The following ZNF385B variants were observed in gnomAD, a reference collection of about 807,000 sequenced individuals.
ZNF385B encodes the protein zinc finger protein 533.
ZNF385B carries 23 observed loss-of-function variants against 39.2 expected under a neutral mutation model. The observed-to-expected ratio is 0.59, with a 90% CI of 0.42 to 0.83. The LOEUF (loss-of-function observed/expected upper bound fraction) is 0.83. ZNF385B is among the 40% of genes least tolerant of loss of function. The probability of loss-of-function intolerance (pLI) is 0.00; values close to 1 mark genes in which losing one functional copy is unlikely to be tolerated. For missense variants in ZNF385B, 552 were observed against 598.9 expected, an observed-to-expected ratio of 0.92 and a Z score of 0.82; for synonymous variants, 205 against 222.6, an observed-to-expected ratio of 0.92 and a Z score of 0.70.
chr2:179,723,292 T>C (rs558362079), intron 3 of ZNF385B, among the ~76,000 whole-genome samples: 5 of 152,320 alleles, frequency 3.3e-5, no homozygotes, highest in African/African-American at 1.2e-4. Flanking sequence ...CTGGAGATTA[T>C]ATGCCCTCAG....
At chr2:179,761,865 A>C (rs537204610) in intron 3 of ZNF385B, among the ~76,000 whole-genome samples, 2 of 145,828 alleles carry the variant, frequency 1.4e-5, no homozygotes, top group Admixed American at 1.4e-4. Flanking sequence ...CTCCCAAAGT[A>C]CTGGGATTAC....
chr2:179,543,312 T>G (rs1174169684), intron 4 of ZNF385B, among the ~76,000 whole-genome samples: 1 of 151,886 alleles, frequency 6.6e-6, no homozygotes, highest in Non-Finnish European at 1.5e-5. Flanking sequence ...GAAAATAAAA[T>G]AAAGAGAGGT....
At chr2:179,710,448 T>G (rs1258427867) in intron 3 of ZNF385B, among the ~76,000 whole-genome samples, 2 of 152,208 alleles carry the variant, frequency 1.3e-5, no homozygotes, top group Non-Finnish European at 2.9e-5. Context: ...ACATCTATTT[T>G]ACATCCTACT....
At chr2:179,562,038 G>T (rs2061368041) in intron 3 of ZNF385B, among the ~76,000 whole-genome samples, 2 of 152,284 alleles carry the variant, frequency 1.3e-5, no homozygotes, top group Middle Eastern at 3.4e-3. Flanking sequence ...AGATAAAAAG[G>T]AGAGAGAGTT....
chr2:179,770,052 C>T (rs1436110224), intron 2 of ZNF385B, among the ~76,000 whole-genome samples: 3 of 152,026 alleles, frequency 2.0e-5, no homozygotes, highest in Non-Finnish European at 4.4e-5. Flanking sequence ...CATCCTTGCC[C>T]CTCTTCCCAT....
At position 179,539,292 on chromosome 2, in the gene ZNF385B, C is replaced by A. The variant is rs1005244511; in HGVS notation, c.441+5535G>T. On this transcript the variant is annotated intron_variant, in intron 4 of 9. Transcript: ENST00000410066. ...TGCTCTTCTTATAGGGCACTAATCC[C>A]ATCATGAGGGCCCCACCCTCATGAC... 3.3e-5 allele frequency among the ~76,000 whole-genome samples: 5 copies of A among 152,082 alleles called. 1 individual carries two copies. The highest frequency in any genetic ancestry group is 1.2e-4 in the African/African-American group (5 of 41,426).
chr2:179,615,582 T>C (rs921344280), intron 3 of ZNF385B, among the ~76,000 whole-genome samples: 1 of 152,244 alleles, frequency 6.6e-6, no homozygotes, highest in Admixed American at 6.5e-5. Context: ...AATCTAGAGA[T>C]AAACTAAATA....
chr2:179,723,374 A>T (rs1180785171), intron 3 of ZNF385B, among the ~76,000 whole-genome samples: 1 of 152,178 alleles, frequency 6.6e-6, no homozygotes, highest in African/African-American at 2.4e-5. Context: ...TATTGCTTCT[A>T]ATTAAATTAA....
intron 3 of ZNF385B, among the ~76,000 whole-genome samples, chr2:179,585,626 T>C (rs1378508963): frequency 1.3e-5 from 2 of 152,220 alleles, no homozygotes; most frequent in African/African-American, 4.8e-5. Flanking sequence ...CTTCCTTGAA[T>C]TGAGAGGTTT....
intron 5 of ZNF385B, among the ~76,000 whole-genome samples, chr2:179,493,401 A>G (rs2055468982): frequency 6.6e-6 from 1 of 151,686 alleles, no homozygotes; most frequent in Non-Finnish European, 1.5e-5. Context: ...GTATGCATAC[A>G]TATATGTACA....
intron 3 of ZNF385B, among the ~76,000 whole-genome samples, chr2:179,699,422 C>T (rs1156956544): frequency 6.6e-6 from 1 of 152,182 alleles, no homozygotes; most frequent in Non-Finnish European, 1.5e-5. Context: ...TTAACATAGT[C>T]ATTTGTTGAA....
chr2:179,808,957 A>G (rs969580591), intron 1 of ZNF385B, among the ~76,000 whole-genome samples: 6 of 152,254 alleles, frequency 3.9e-5, no homozygotes, highest in African/African-American at 1.4e-4. Flanking sequence ...CAATAGGTGA[A>G]ATAGATAAAT....
At chr2:179,449,468 G>C (rs1008175349) in intron 6 of ZNF385B, among the ~76,000 whole-genome samples, 2 of 152,076 alleles carry the variant, frequency 1.3e-5, no homozygotes, top group South Asian at 2.1e-4. Context: ...CAGACAAACA[G>C]AGAGCCAAAT....
chr2:179,613,317 G>A (rs1007254548), intron 3 of ZNF385B, among the ~76,000 whole-genome samples: 2 of 151,992 alleles, frequency 1.3e-5, no homozygotes, highest in African/African-American at 4.8e-5. Context: ...TCTCCATAGC[G>A]ACCACAGCTG....
intron 3 of ZNF385B, among the ~76,000 whole-genome samples, chr2:179,687,633 C>T (rs575429322): frequency 6.6e-6 from 1 of 152,244 alleles, no homozygotes; most frequent in East Asian, 1.9e-4. Context: ...AAGCGGGTAT[C>T]ATGGGAACAT....
At chr2:179,788,739 C>T (rs1322197263) in intron 1 of ZNF385B, among the ~76,000 whole-genome samples, 3 of 152,056 alleles carry the variant, frequency 2.0e-5, no homozygotes, top group Admixed American at 6.6e-5. Flanking sequence ...CAGAAGAGAA[C>T]AGAAGAAAAT....
intron 3 of ZNF385B, among the ~76,000 whole-genome samples, chr2:179,714,462 A>G (rs2106390753): frequency 1.3e-5 from 2 of 152,318 alleles, no homozygotes; most frequent in Middle Eastern, 3.4e-3. Context: ...TGCCTCCTTA[A>G]CAAAGGAGAT....
intron 3 of ZNF385B, among the ~76,000 whole-genome samples, chr2:179,662,696 C>T (rs566022272): frequency 1.3e-5 from 2 of 151,920 alleles, no homozygotes; most frequent in South Asian, 4.2e-4. Flanking sequence ...TAAGTGAATC[C>T]CCCCCAAAAG....
intron 1 of ZNF385B, among the ~76,000 whole-genome samples, chr2:179,829,282 T>C (rs1026048294): frequency 1.3e-5 from 2 of 152,196 alleles, no homozygotes; most frequent in African/African-American, 4.8e-5. Context: ...GTGATTAAAA[T>C]ATCTTCCTAT....
Sources: allele counts gnomAD v4.1 joint callset (sites outside exome capture counted in the v4.1 genomes callset), GRCh38; gene constraint gnomAD v4.1.1; transcripts MANE v1.5; gene names NCBI Gene and HGNC (gene_info 2026-07-23, HGNC 2026-07-21).